The following NRXN3 variants were observed in gnomAD, a reference collection of about 807,000 sequenced individuals.
The protein encoded by NRXN3 is neurexin III.
In NRXN3, 32 loss-of-function variants were observed where a neutral mutation model predicts 137.6. The observed-to-expected ratio is 0.23, with a 90% confidence interval of 0.18 to 0.31. The LOEUF (loss-of-function observed/expected upper bound fraction) is 0.31. NRXN3 is among the 10% of genes least tolerant of loss of function. The pLI, the probability that NRXN3 is intolerant of heterozygous loss-of-function variation, is 1.00. For synonymous variants in NRXN3, 798 were observed against 784.5 expected (o/e 1.02, Z -0.29); for missense variants, 1,574 against 2,062.5 (o/e 0.76, Z 4.59).
Position 79,351,164 on chromosome 14 carries a change from C to G in NRXN3, c.3263-116057C>G, listed in dbSNP as rs555214733. Among the ~76,000 whole-genome samples the G allele has an allele frequency of 5.3e-5, 8 of 152,288 alleles. No individual in the cohort carries two copies. The South Asian group carries it at 1.7e-3, about 32-fold the overall frequency. On this transcript the variant is annotated intron_variant, in intron 15 of 20. Transcript: ENST00000335750. ...AATCCTTCTTGCCTGGTCTGTCTGA[C>G]CAACTAATCTCTGATAATGTAACGA... is the stretch of plus-strand genomic sequence containing the variant.
intron 4 of NRXN3, among the ~76,000 whole-genome samples, chr14:78,365,072 T>C (rs78348169): frequency 6.6e-6 from 1 of 152,178 alleles, no homozygotes; most frequent in Non-Finnish European, 1.5e-5. Flanking sequence ...AAAAAATTAA[T>C]CTACATCTCA....
chr14:78,707,929 T>C (rs2098370676), intron 6 of NRXN3, among the ~76,000 whole-genome samples: 1 of 152,188 alleles, frequency 6.6e-6, no homozygotes, highest in East Asian at 1.9e-4. Context: ...ATATATCACA[T>C]TTTCTTGATC....
At chr14:78,624,491 G>A (rs112117663) in intron 4 of NRXN3, among the ~76,000 whole-genome samples, 7 of 152,242 alleles carry the variant, frequency 4.6e-5, no homozygotes, top group Admixed American at 4.6e-4. Flanking sequence ...CAAGAGGGGG[G>A]CGGTATGCCC....
chr14:79,329,310 C>CT (rs2091347638), intron 15 of NRXN3, among the ~76,000 whole-genome samples: 2 of 152,216 alleles, frequency 1.3e-5, no homozygotes, highest in South Asian at 4.1e-4. Flanking sequence ...ATGCATCTCT[C>CT]TTTTGCTACT....
At chr14:79,388,034 A>G (rs555758669) in intron 15 of NRXN3, among the ~76,000 whole-genome samples, 1 of 151,694 alleles carries the variant, frequency 6.6e-6, no homozygotes, top group African/African-American at 2.4e-5. Context: ...GCACACCAAC[A>G]TGGCACATGT....
chr14:78,547,760 A>G (rs527509176), intron 4 of NRXN3, among the ~76,000 whole-genome samples: 1 of 151,512 alleles, frequency 6.6e-6, no homozygotes, highest in Admixed American at 6.6e-5. Flanking sequence ...TCTCATTTCT[A>G]TTCCTTAGTG....
At chr14:79,022,206 G>A (rs982578116) in intron 15 of NRXN3, among the ~76,000 whole-genome samples, 13 of 152,154 alleles carry the variant, frequency 8.5e-5, no homozygotes, top group Admixed American at 3.3e-4. Context: ...AGATTTAAAA[G>A]TAGGGCAGTA....
chr14:79,818,463 G>A (rs1206805172), intron 20 of NRXN3, among the ~76,000 whole-genome samples: 2 of 152,144 alleles, frequency 1.3e-5, no homozygotes, highest in East Asian at 1.9e-4. Flanking sequence ...GGCTCTTAGC[G>A]AGAGCTTGGG....
chr14:78,928,875 C>G (rs1241990577), intron 10 of NRXN3, among the ~76,000 whole-genome samples: 1 of 152,158 alleles, frequency 6.6e-6, no homozygotes, highest in Non-Finnish European at 1.5e-5. Context: ...AATTGCCACA[C>G]TGTCTTCCAC....
intron 15 of NRXN3, among the ~76,000 whole-genome samples, chr14:79,137,451 T>G (rs1224572150): frequency 1.2e-4 from 1 of 8,402 alleles, no homozygotes; most frequent in Non-Finnish European, 2.2e-4. Flanking sequence ...CCTAAAAACC[T>G]GAGACATAAA....
chr14:78,480,013 G>A (rs1186493280), intron 4 of NRXN3, among the ~76,000 whole-genome samples: 1 of 152,136 alleles, frequency 6.6e-6, no homozygotes, highest in East Asian at 1.9e-4. Flanking sequence ...GATGGCAGAT[G>A]CCTATAATCC....
At chr14:79,320,205 T>A (rs1028260077) in intron 15 of NRXN3, among the ~76,000 whole-genome samples, 7 of 152,378 alleles carry the variant, frequency 4.6e-5, no homozygotes, top group African/African-American at 1.7e-4. Context: ...AAAACACGTC[T>A]ATGAAATGCT....
At chr14:79,237,076 G>C (rs993922441) in intron 15 of NRXN3, among the ~76,000 whole-genome samples, 2 of 148,960 alleles carry the variant, frequency 1.3e-5, no homozygotes, top group Non-Finnish European at 3.0e-5. Flanking sequence ...GGTGTCACAA[G>C]GGTGTTTTTT....
intron 10 of NRXN3, among the ~76,000 whole-genome samples, chr14:78,814,824 T>G (rs370342879): frequency 7.7e-4 from 117 of 152,318 alleles, no homozygotes; most frequent in African/African-American, 2.7e-3. Context: ...TGACCTTGTC[T>G]GATTGTGCCT....
chr14:79,291,704 T>C (rs1021593074), intron 15 of NRXN3, among the ~76,000 whole-genome samples: 3 of 149,702 alleles, frequency 2.0e-5, no homozygotes, highest in African/African-American at 7.4e-5. Flanking sequence ...TATACTGAAA[T>C]TATACTGAAA....
At chr14:79,126,333 C>A (rs1236988412) in intron 15 of NRXN3, among the ~76,000 whole-genome samples, 1 of 148,138 alleles carries the variant, frequency 6.8e-6, no homozygotes, top group Non-Finnish European at 1.5e-5. Flanking sequence ...CCCCGCCCCA[C>A]CCCACGACCG....
chr14:78,659,944 C>G (rs1175846458), intron 6 of NRXN3, among the ~76,000 whole-genome samples: 1 of 151,980 alleles, frequency 6.6e-6, no homozygotes, highest in Non-Finnish European at 1.5e-5. Flanking sequence ...TATAGGTGGA[C>G]TCCTAATGCA....
intron 3 of NRXN3, among the ~76,000 whole-genome samples, chr14:78,290,097 T>A (rs1367025806): frequency 6.6e-6 from 1 of 152,196 alleles, no homozygotes; most frequent in Non-Finnish European, 1.5e-5. Context: ...ATGCCTCCCC[T>A]AATGTATGGC....
chr14:78,476,996 A>G (rs1379248365), intron 4 of NRXN3, among the ~76,000 whole-genome samples: 2 of 152,092 alleles, frequency 1.3e-5, no homozygotes, highest in Non-Finnish European at 2.9e-5. Context: ...AAATGCCCTT[A>G]GTTGTCTTCA....
Sources: allele counts gnomAD v4.1 joint callset (sites outside exome capture counted in the v4.1 genomes callset), GRCh38; gene constraint gnomAD v4.1.1; transcripts MANE v1.5; gene names NCBI Gene and HGNC (gene_info 2026-07-23, HGNC 2026-07-21).